The following ANXA8 variants were observed in gnomAD, a reference collection of about 807,000 sequenced individuals.
The protein encoded by ANXA8 is VAC-beta.
ANXA8 carries 9 observed loss-of-function variants against 26.8 expected under a neutral mutation model. That is an observed-to-expected ratio of 0.34 (90% confidence interval 0.20 to 0.59). The LOEUF is 0.59. ANXA8 is among the 20% of genes least tolerant of loss of function. The pLI is 0.84. For synonymous variants in ANXA8, 39 were observed against 94.8 expected, an observed-to-expected ratio of 0.41 and a Z score of 3.42; for missense variants, 83 against 238.5, an observed-to-expected ratio of 0.35 and a Z score of 4.29.
the ANXA8 span, among the ~76,000 whole-genome samples, chr10:47,646,871 A>G: frequency 2.6e-5 from 4 of 152,084 alleles, no homozygotes; most frequent in Non-Finnish European, 5.9e-5. Context: ...AAGCAGTCCC[A>G]TTTTTATTTT....
At chr10:47,683,966 C>T in the ANXA8 span, among the ~76,000 whole-genome samples, 2 of 151,894 alleles carry the variant, frequency 1.3e-5, no homozygotes, top group East Asian at 3.9e-4. Context: ...TCTGCAAAGA[C>T]AAAACCTGCT....
chr10:47,501,973 A>C, the ANXA8 span: 1 of 1,177,522 alleles, frequency 8.5e-7, no homozygotes, highest in Non-Finnish European at 1.2e-6. Context: ...TGAAAATGCT[A>C]TTACTAGCTG....
At chr10:47,763,883 G>A in the ANXA8 span, among the ~76,000 whole-genome samples, 8 of 151,740 alleles carry the variant, frequency 5.3e-5, no homozygotes, top group African/African-American at 1.9e-4. Flanking sequence ...CAGAGTCATA[G>A]CCTGGGTCCC....
the ANXA8 span, among the ~76,000 whole-genome samples, chr10:47,976,973 G>A: frequency 6.6e-5 from 5 of 75,410 alleles, no homozygotes; most frequent in African/African-American, 2.2e-4. Flanking sequence ...CCATGTGCAC[G>A]TGCAGGGTTG....
the ANXA8 span, among the ~76,000 whole-genome samples, chr10:47,945,195 G>T: frequency 2.0e-5 from 3 of 149,896 alleles, no homozygotes; most frequent in African/African-American, 5.0e-5. Flanking sequence ...GCCACATGGG[G>T]TTGCTGGACT....
chr10:47,556,019 C>A, the ANXA8 span, among the ~76,000 whole-genome samples: 1 of 151,788 alleles, frequency 6.6e-6, no homozygotes, highest in Non-Finnish European at 1.5e-5. Context: ...GTAGGATTTA[C>A]AGGATGGAGA....
the ANXA8 span, among the ~76,000 whole-genome samples, chr10:47,717,770 G>A: frequency 6.6e-6 from 1 of 150,818 alleles, no homozygotes; most frequent in African/African-American, 2.4e-5. Context: ...GGCCGAGGTG[G>A]GTGGATCATT....
chr10:47,651,468 C>G, the ANXA8 span, among the ~76,000 whole-genome samples: 2 of 151,026 alleles, frequency 1.3e-5, no homozygotes, highest in Non-Finnish European at 2.9e-5. Flanking sequence ...AGTTCCATTC[C>G]TAGGTCATCC....
chr10:47,636,549 T>A, the ANXA8 span, among the ~76,000 whole-genome samples: 3 of 144,802 alleles, frequency 2.1e-5, no homozygotes, highest in African/African-American at 8.0e-5. Flanking sequence ...ATTGTACACC[T>A]TTCATATATT....
the ANXA8 span, chr10:47,567,881 T>C: frequency 0.7 from 231,262 of 332,290 alleles, 84,020 homozygotes; most frequent in African/African-American, 0.92. Context: ...TTTCTAATAT[T>C]GTGTGGCGCT....
chr10:47,533,185 T>TCACACACACACACACACACACACA, the ANXA8 span, among the ~76,000 whole-genome samples: 1 of 102,392 alleles, frequency 9.8e-6, no homozygotes, highest in Non-Finnish European at 2.0e-5. Flanking sequence ...TAAACACACA[T>TCACACACACACACACACACACACA]CACACACACA....
At chr10:47,548,277 A>G in the ANXA8 span, among the ~76,000 whole-genome samples, 1 of 147,726 alleles carries the variant, frequency 6.8e-6, no homozygotes, top group African/African-American at 2.5e-5. Context: ...TACACCTCCT[A>G]ATCAATATGG....
the ANXA8 span, among the ~76,000 whole-genome samples, chr10:47,693,255 T>C: frequency 4.0e-5 from 6 of 151,472 alleles, no homozygotes; most frequent in African/African-American, 4.9e-5. Flanking sequence ...CCTTAGCTAA[T>C]GTACCTTGGT....
the ANXA8 span, among the ~76,000 whole-genome samples, chr10:47,498,389 A>G: frequency 1.4e-5 from 2 of 143,336 alleles, 1 homozygote; most frequent in East Asian, 5.5e-4. Context: ...CATTTTATCA[A>G]TTCATCTGCC....
the ANXA8 span, among the ~76,000 whole-genome samples, chr10:47,742,990 T>TAAAAAAAAA: frequency 8.7e-5 from 8 of 91,496 alleles, no homozygotes; most frequent in African/African-American, 2.0e-4. Context: ...CCGTCTCTAC[T>TAAAAAAAAA]AAAAAAAAAA....
chr10:47,521,701 A>G, the ANXA8 span, among the ~76,000 whole-genome samples: 1 of 150,220 alleles, frequency 6.7e-6, no homozygotes. Context: ...TTAGAGGCAA[A>G]CCAACTAATT....
the ANXA8 span, among the ~76,000 whole-genome samples, chr10:47,499,746 T>TA: frequency 1.0e-5 from 1 of 98,354 alleles, no homozygotes; most frequent in Admixed American, 1.2e-4. Context: ...GATTAGTCCT[T>TA]ACTGACCTAT....
At chr10:47,592,373 G>A in the ANXA8 span, among the ~76,000 whole-genome samples, 1 of 147,658 alleles carries the variant, frequency 6.8e-6, no homozygotes. Context: ...ATACTGAGTG[G>A]CTAAGTTCCT....
chr10:47,534,570 T>C, the ANXA8 span, among the ~76,000 whole-genome samples: 6 of 135,764 alleles, frequency 4.4e-5, no homozygotes, highest in African/African-American at 1.7e-4. Flanking sequence ...TTTTCTCTTT[T>C]TTTTTCCTAT....
Sources: allele counts gnomAD v4.1 joint callset (sites outside exome capture counted in the v4.1 genomes callset), GRCh38; gene constraint gnomAD v4.1.1; transcripts MANE v1.5; gene names NCBI Gene and HGNC (gene_info 2026-07-23, HGNC 2026-07-21).